Variants in ENOX2 observed in about 807,000 individuals in gnomAD.
ENOX2 encodes the protein APK1 antigen.
Under a neutral mutation model 45.0 loss-of-function variants are expected in ENOX2, and 36 were observed. That is an observed-to-expected ratio of 0.80 (90% CI 0.61 to 1.06). The LOEUF (loss-of-function observed/expected upper bound fraction) is 1.06. ENOX2 is among the 50% of genes least tolerant of loss of function. ENOX2 has a pLI of 0.00. For synonymous variants in ENOX2, 174 were observed against 152.3 expected, an observed-to-expected ratio of 1.14 and a Z score of -1.05; for missense variants, 423 against 462.5, an observed-to-expected ratio of 0.91 and a Z score of 0.78.
At chrX:130,694,193 T>C (rs1022850884) in intron 4 of ENOX2, among the ~76,000 whole-genome samples, 5 of 112,382 alleles carry the variant, frequency 4.4e-5, no homozygotes, top group Admixed American at 9.4e-5. Flanking sequence ...TATATAGCAA[T>C]AGATAAGGAG....
intron 2 of ENOX2, among the ~76,000 whole-genome samples, chrX:130,885,668 T>C (rs1478117059): frequency 8.9e-6 from 1 of 112,128 alleles, no homozygotes; most frequent in East Asian, 2.8e-4. Flanking sequence ...GATAATGTCG[T>C]TTTTAAAATG....
At chrX:130,894,899 C>T (rs1444177812) in intron 2 of ENOX2, among the ~76,000 whole-genome samples, 1 of 111,880 alleles carries the variant, frequency 8.9e-6, no homozygotes, top group African/African-American at 3.3e-5. Context: ...GAATCCTTGC[C>T]CATCACCTCT....
At chrX:130,801,734 T>C (rs770901827) in intron 2 of ENOX2, among the ~76,000 whole-genome samples, 4 of 111,975 alleles carry the variant, frequency 3.6e-5, no homozygotes, top group African/African-American at 6.5e-5. Context: ...GTAGATACAT[T>C]GTCAAATGTT....
Position 130,637,358 on chromosome X carries a change from C to T in ENOX2, c.1182G>A (p.Trp394Ter). Residue 394 changes from tryptophan to a stop codon, truncating the protein, a stop_gained, in exon 11 of 15, where the codon TGG (tryptophan) becomes TGA (stop). Coordinates refer to ENST00000394363, the MANE Select transcript of ENOX2 (RefSeq NM_006375.4). LOFTEE classifies it high-confidence loss of function. ...ALKEENDSLRWQLDAYRNEVE... is the reference protein window; with the variant it reads ...ALKEENDSLR Reference sequence around the variant, plus strand: ...CTTCATTCCGGTAGGCATCGAGCTGCCAACGGAGGCTGTCATTTTCTTCCT... The same window carrying T: ...CTTCATTCCGGTAGGCATCGAGCTGTCAACGGAGGCTGTCATTTTCTTCCT... 8.3e-7 allele frequency: 1 copy of T among 1,210,696 alleles called. No homozygotes were observed. The highest frequency in any genetic ancestry group is 1.1e-6 in the Non-Finnish European group (1 of 894,651).
At chrX:130,709,209 C>T in intron 3 of ENOX2, 1 of 1,156,887 alleles carries the variant, frequency 8.6e-7, no homozygotes, top group Non-Finnish European at 1.2e-6. Flanking sequence ...GAGAACTCTA[C>T]AAGAACTCAG....
At chrX:130,695,008 G>A (rs1377908037) in intron 4 of ENOX2, among the ~76,000 whole-genome samples, 1 of 111,852 alleles carries the variant, frequency 8.9e-6, no homozygotes, top group East Asian at 2.8e-4. Context: ...TTTTACAGAT[G>A]AGGAAACTGA....
intron 2 of ENOX2, among the ~76,000 whole-genome samples, chrX:130,881,468 A>G (rs982891817): frequency 1.5e-4 from 17 of 112,469 alleles, no homozygotes; most frequent in African/African-American, 4.2e-4. Context: ...AATGCAGATC[A>G]CTCAGAGTGA....
chrX:130,719,590 C>A (rs1407069625), intron 3 of ENOX2, among the ~76,000 whole-genome samples: 1 of 112,259 alleles, frequency 8.9e-6, no homozygotes, highest in African/African-American at 3.2e-5. Flanking sequence ...CCCCACATGG[C>A]CTCTGAAGGG....
chrX:130,860,591 T>C (rs755537614), intron 2 of ENOX2, among the ~76,000 whole-genome samples: 4 of 111,739 alleles, frequency 3.6e-5, no homozygotes, highest in African/African-American at 1.3e-4. Flanking sequence ...CATCCTTGAC[T>C]TCCCCCTTTC....
chrX:130,637,303 C>A lies in ENOX2; in HGVS notation c.1237G>T (p.Val413Phe). The change falls in exon 11 of 15, where the codon GTC becomes TTC. Residue 413 changes from valine to phenylalanine, a missense_variant. Coordinates refer to ENST00000394363, the MANE Select transcript of ENOX2 (RefSeq NM_006375.4). Reference sequence around the variant, plus strand: ...TTGTTAGGGTCATCTTCTCTGTGGACTTTGCCTTGTTCTTGCTTGAGCAGT... The same window carrying A: ...TTGTTAGGGTCATCTTCTCTGTGGAATTTGCCTTGTTCTTGCTTGAGCAGT... ...VELLKQEQGK[V>F]HREDDPNKEQ... The A allele has an allele frequency of 8.3e-7, 1 of 1,211,265 alleles. No homozygotes were observed.
chrX:130,850,169 T>C (rs1468093420), intron 2 of ENOX2, among the ~76,000 whole-genome samples: 6 of 111,782 alleles, frequency 5.4e-5, no homozygotes, highest in Non-Finnish European at 1.1e-4. Flanking sequence ...ATTTCTACCA[T>C]AGAAGAGCTC....
chrX:130,708,347 G>A (rs1000889452), intron 3 of ENOX2, among the ~76,000 whole-genome samples: 14 of 111,666 alleles, frequency 1.3e-4, no homozygotes, highest in Admixed American at 1.9e-4. Flanking sequence ...GCATACACAT[G>A]AATTACTAGA....
Position 130,625,158 on chromosome X carries a change from T to C in ENOX2, c.*156A>G, listed in dbSNP as rs2147993460. 1 of 620,254 alleles carries C rather than the reference T, an allele frequency of 1.6e-6. No individual in the cohort carries two copies. Among genetic ancestry groups the C allele is most frequent in the Non-Finnish European group, 2.4e-6 (1 of 411,459 alleles). 51.1% of individuals were successfully genotyped at this position (620,254 alleles called of 1,213,427 possible). ...TTAGGGCCTGTAGTTCGAGGTGCTG[T>C]CCTAGGATCCTTATTTTAACTCAAA... On this transcript the variant is annotated 3_prime_UTR_variant, in exon 15 of 15. Coordinates refer to ENST00000394363, the MANE Select transcript of ENOX2 (RefSeq NM_006375.4).
At chrX:130,714,039 C>T (rs763205191) in intron 3 of ENOX2, among the ~76,000 whole-genome samples, 1 of 111,160 alleles carries the variant, frequency 9.0e-6, no homozygotes, top group Non-Finnish European at 1.9e-5. Flanking sequence ...TCTGTGCTTT[C>T]CCAAGGTAAG....
chrX:130,891,494 T>G (rs374608125), intron 2 of ENOX2, among the ~76,000 whole-genome samples: 1 of 88,375 alleles, frequency 1.1e-5, no homozygotes, highest in African/African-American at 4.4e-5. Flanking sequence ...TATATGGTTT[T>G]TTTTTTTTTT....
intron 2 of ENOX2, among the ~76,000 whole-genome samples, chrX:130,798,949 C>T (rs1252974379): frequency 8.9e-6 from 1 of 112,457 alleles, no homozygotes; most frequent in Non-Finnish European, 1.9e-5. Flanking sequence ...TAGAAAGGAT[C>T]TGGTAAAATA....
At chrX:130,822,356 C>T (rs992815891) in intron 2 of ENOX2, among the ~76,000 whole-genome samples, 14 of 111,875 alleles carry the variant, frequency 1.3e-4, no homozygotes, top group East Asian at 5.5e-4. Context: ...TGATATTTTC[C>T]GAGGCTAGCA....
In ENOX2 at chrX:130,667,610, T is replaced by C; in HGVS notation, c.827A>G (p.Asn276Ser). 1 of 1,211,653 alleles carries C rather than the reference T, an allele frequency of 8.3e-7. No homozygotes were observed. The highest frequency in any genetic ancestry group is 3.0e-5 in the East Asian group (1 of 33,860). ...ATCTTTCTCATGGGCAGCTTTCTCGTTCACCAGGCGGCGGACATGGCTGTT... is the reference window on the plus strand; with the variant it reads ...ATCTTTCTCATGGGCAGCTTTCTCGCTCACCAGGCGGCGGACATGGCTGTT... ...SANSHVRRLV[N>S]EKAAHEKDME... Residue 276 changes from asparagine (N) to serine (S), a missense_variant, in exon 8 of 15, where the codon AAC becomes AGC. Around this residue, in one of 5 missense-constraint regions of ENOX2, gnomAD observed 261 missense variants for 306.8 expected, o/e 0.85. Coordinates refer to ENST00000394363, the MANE Select transcript of ENOX2 (RefSeq NM_006375.4).
chrX:130,696,044 T>A (rs1292200875), intron 4 of ENOX2, among the ~76,000 whole-genome samples: 1 of 111,591 alleles, frequency 9.0e-6, no homozygotes, highest in African/African-American at 3.3e-5. Context: ...CAAAAGATCA[T>A]CTAAACACTT....
Sources: allele counts gnomAD v4.1 joint callset (sites outside exome capture counted in the v4.1 genomes callset), GRCh38; gene constraint gnomAD v4.1.1; regional missense constraint gnomAD v4.1.1; transcripts MANE v1.5; gene names NCBI Gene and HGNC (gene_info 2026-07-23, HGNC 2026-07-21).